MNAT1: variants seen among roughly 807,000 people sequenced by gnomAD.
The protein encoded by MNAT1 is MNAT1 component of CDK activating kinase, also known as CDK-activating kinase assembly factor MAT1.
Under a neutral mutation model 42.0 loss-of-function variants are expected in MNAT1, and 43 were observed. The ratio of observed to expected loss-of-function variants is 1.02; its 90% CI spans 0.80 to 1.32. The LOEUF (loss-of-function observed/expected upper bound fraction) is 1.32. Among genes scored for constraint, MNAT1 ranks in the 40% most tolerant of loss-of-function variants. MNAT1 has a pLI of 0.00. For synonymous variants in MNAT1, 118 were observed against 120.0 expected (o/e 0.98, Z 0.11); for missense variants, 306 against 350.4 (o/e 0.87, Z 1.01).
chr14:60,908,207 T>A (rs2035256469), intron 7 of MNAT1, among the ~76,000 whole-genome samples: 1 of 152,198 alleles, frequency 6.6e-6, no homozygotes, highest in South Asian at 2.1e-4. Context: ...ATTTCTTTCA[T>A]GATATAAAGA....
intron 1 of MNAT1, among the ~76,000 whole-genome samples, chr14:60,790,486 T>G (rs889747494): frequency 6.6e-6 from 1 of 152,198 alleles, no homozygotes; most frequent in Non-Finnish European, 1.5e-5. Flanking sequence ...CTCATCTACT[T>G]CTAACCTGGA....
intron 1 of MNAT1, among the ~76,000 whole-genome samples, chr14:60,757,877 G>A (rs1330390830): frequency 2.0e-5 from 3 of 152,130 alleles, no homozygotes; most frequent in African/African-American, 7.2e-5. Flanking sequence ...AGTTGATGAT[G>A]CAAAGTTGAA....
intron 7 of MNAT1, among the ~76,000 whole-genome samples, chr14:60,908,233 A>G (rs1169641333): frequency 6.6e-6 from 1 of 152,094 alleles, no homozygotes; most frequent in African/African-American, 2.4e-5. Context: ...TTACGTTTAA[A>G]TTTTTTTATT....
rs1051545124 is a variant in MNAT1, at chr14:60,915,521, A to C, written c.809+35686A>C. 3.9e-5 allele frequency among the ~76,000 whole-genome samples: 6 copies of C among 152,254 alleles called. No homozygotes were observed. The South Asian group carries it at 8.3e-4, about 21-fold the overall frequency. On this transcript the variant is annotated intron_variant, in intron 7 of 7. Coordinates refer to ENST00000261245, the MANE Select transcript of MNAT1 (RefSeq NM_002431.4). ...AATCAGCACCTTGTTCACCTCATCA[A>C]ACCCTAAAATCTACCCTATCTAGGG...
intron 1 of MNAT1, among the ~76,000 whole-genome samples, chr14:60,751,143 A>C: frequency 6.6e-6 from 1 of 151,558 alleles, no homozygotes; most frequent in East Asian, 1.9e-4. Context: ...CTAAGAAAGG[A>C]TATATGGTTG....
At position 60,812,027 on chromosome 14, in the gene MNAT1, A is replaced by C. The variant is rs1467537114; in HGVS notation, c.461A>C (p.Glu154Ala). Residue 154 changes from glutamate to alanine, a missense_variant, in exon 5 of 8, where the codon GAA becomes GCA. Glu to Ala is a moderately radical substitution (Grantham distance 107). Around this residue, in one of 3 missense-constraint regions of MNAT1, gnomAD observed 118 missense variants for 99.8 expected, o/e 1.18. Transcript: ENST00000261245. ...QEELEEALEVERQENEQRRLF... is the reference protein window; with the variant it reads ...QEELEEALEVARQENEQRRLF... ...GAACTGGAAGAAGCTTTAGAAGTGG[A>C]ACGACAGGAAAATGAACAAAGAAGA... 6.2e-7 allele frequency: 1 copy of C among 1,603,702 alleles called. No homozygotes were observed. Among genetic ancestry groups the C allele is most frequent in the Non-Finnish European group, 8.5e-7 (1 of 1,177,014 alleles).
At chr14:60,826,470 C>G (rs2033060805) in intron 6 of MNAT1, among the ~76,000 whole-genome samples, 1 of 151,962 alleles carries the variant, frequency 6.6e-6, no homozygotes, top group African/African-American at 2.4e-5. Flanking sequence ...GTGCATGCCA[C>G]CATGCCCGGC....
intron 1 of MNAT1, among the ~76,000 whole-genome samples, chr14:60,781,763 A>T (rs564051299): frequency 6.6e-6 from 1 of 151,744 alleles, no homozygotes; most frequent in East Asian, 1.9e-4. Context: ...TTCATAGGGG[A>T]TTTCTTTTTG....
At chr14:60,924,398 A>G (rs892815940) in intron 7 of MNAT1, among the ~76,000 whole-genome samples, 2 of 151,770 alleles carry the variant, frequency 1.3e-5, no homozygotes, top group Admixed American at 6.6e-5. Flanking sequence ...AAAAAAAAAA[A>G]AAAACTGTAC....
At chr14:60,897,363 T>G (rs2034978562) in intron 7 of MNAT1, among the ~76,000 whole-genome samples, 2 of 152,108 alleles carry the variant, frequency 1.3e-5, no homozygotes, top group African/African-American at 4.8e-5. Context: ...AATTTATATA[T>G]ATCTTTAAAT....
At chr14:60,927,650 C>T (rs1453759747) in intron 7 of MNAT1, among the ~76,000 whole-genome samples, 2 of 152,158 alleles carry the variant, frequency 1.3e-5, no homozygotes, top group African/African-American at 4.8e-5. Context: ...TGAACATGCT[C>T]TAGGGGCTTT....
chr14:60,929,443 A>G (rs1318541445), intron 7 of MNAT1, among the ~76,000 whole-genome samples: 1 of 151,936 alleles, frequency 6.6e-6, no homozygotes, highest in Admixed American at 6.6e-5. Flanking sequence ...CCTCAGATCC[A>G]TGTTAAATTA....
intron 6 of MNAT1, among the ~76,000 whole-genome samples, chr14:60,865,913 T>A (rs1196469545): frequency 6.6e-6 from 1 of 152,076 alleles, no homozygotes; most frequent in Non-Finnish European, 1.5e-5. Context: ...TGAAATTCCG[T>A]TCACTGGGAA....
intron 6 of MNAT1, among the ~76,000 whole-genome samples, chr14:60,831,554 C>T (rs2033217690): frequency 6.6e-6 from 1 of 152,184 alleles, no homozygotes; most frequent in Non-Finnish European, 1.5e-5. Context: ...ATACGTGCCA[C>T]ATTTTCTTCA....
chr14:60,763,065 G>A (rs1226034451), intron 1 of MNAT1, among the ~76,000 whole-genome samples: 3 of 151,948 alleles, frequency 2.0e-5, no homozygotes, highest in African/African-American at 7.3e-5. Flanking sequence ...AGCTGTTTCA[G>A]CATTGAAACA....
chr14:60,935,848 C>T (rs550039752), intron 7 of MNAT1, among the ~76,000 whole-genome samples: 8 of 152,168 alleles, frequency 5.3e-5, no homozygotes, highest in African/African-American at 1.7e-4. Flanking sequence ...AAGCTGTTGC[C>T]GAATTTTGCT....
At chr14:60,754,387 G>A (rs559418358) in intron 1 of MNAT1, among the ~76,000 whole-genome samples, 7 of 143,870 alleles carry the variant, frequency 4.9e-5, no homozygotes, top group Non-Finnish European at 1.0e-4. Context: ...TGTCGCCCAA[G>A]CTGGAGTTGG....
intron 6 of MNAT1, among the ~76,000 whole-genome samples, chr14:60,878,299 A>G (rs2034475977): frequency 6.6e-6 from 1 of 152,138 alleles, no homozygotes; most frequent in African/African-American, 2.4e-5. Flanking sequence ...TAAATAACTG[A>G]GGGTCCTAGG....
At chr14:60,915,938 A>G (rs769599994) in intron 7 of MNAT1, among the ~76,000 whole-genome samples, 1 of 152,238 alleles carries the variant, frequency 6.6e-6, no homozygotes, top group Non-Finnish European at 1.5e-5. Context: ...CCAGCTCTGC[A>G]TACCAGAGCG....
Sources: gnomAD v4.1 joint callset for allele counts (sites outside exome capture counted in the v4.1 genomes callset) on GRCh38, gnomAD v4.1.1 for gene constraint, gnomAD v4.1.1 regional missense constraint, MANE v1.5 for transcripts, NCBI Gene and HGNC (gene_info 2026-07-23, HGNC 2026-07-21) for gene names.